AOAH: variants seen among roughly 807,000 people sequenced by gnomAD.
The protein encoded by AOAH is acyloxyacyl hydrolase.
AOAH carries 64 observed loss-of-function variants against 92.2 expected under a neutral mutation model. The observed-to-expected ratio is 0.69, with a 90% confidence interval of 0.57 to 0.86. AOAH has a LOEUF of 0.86. AOAH is among the 40% of genes least tolerant of loss of function. The pLI is 0.00. For missense variants in AOAH, 656 were observed against 694.6 expected (o/e 0.94, Z 0.62); for synonymous variants, 263 against 254.5 (o/e 1.03, Z -0.32).
At chr7:36,705,038 T>C (rs1798303133) in intron 1 of AOAH, among the ~76,000 whole-genome samples, 2 of 152,242 alleles carry the variant, frequency 1.3e-5, no homozygotes, top group African/African-American at 2.4e-5. Context: ...GCCAATATCA[T>C]ACTGAATGGG....
intron 12 of AOAH, among the ~76,000 whole-genome samples, chr7:36,592,331 G>A (rs1789802706): frequency 6.6e-6 from 1 of 152,186 alleles, no homozygotes; most frequent in Non-Finnish European, 1.5e-5. Context: ...AACAGAGGCT[G>A]TAGCAGAGGG....
At chr7:36,647,837 C>CTTTTT (rs200177551) in intron 4 of AOAH, among the ~76,000 whole-genome samples, 1 of 145,306 alleles carries the variant, frequency 6.9e-6, no homozygotes. Flanking sequence ...CCTTAGAGTT[C>CTTTTT]TTTTTTTTTT....
intron 12 of AOAH, among the ~76,000 whole-genome samples, chr7:36,579,227 A>G (rs2116661548): frequency 6.6e-6 from 1 of 151,972 alleles, no homozygotes; most frequent in Non-Finnish European, 1.5e-5. Context: ...GTCCCTTCCC[A>G]GGCACATCAT....
At chr7:36,517,597 CTTTTTTTT>C (rs70977159) in intron 20 of AOAH, among the ~76,000 whole-genome samples, 4 of 89,578 alleles carry the variant, frequency 4.5e-5, no homozygotes, top group Non-Finnish European at 6.0e-5. Context: ...GACTTTATAT[CTTTTTTTT>C]TTTTTTTTTT....
chr7:36,518,537 C>T (rs1260227106), intron 20 of AOAH, among the ~76,000 whole-genome samples: 1 of 152,236 alleles, frequency 6.6e-6, no homozygotes, highest in South Asian at 2.1e-4. Context: ...CCAGTTCACA[C>T]AACCTTGGCA....
intron 13 of AOAH, among the ~76,000 whole-genome samples, chr7:36,563,027 A>C (rs1462447880): frequency 6.6e-6 from 1 of 151,632 alleles, no homozygotes; most frequent in East Asian, 1.9e-4. Flanking sequence ...GGCGCCTGTA[A>C]TCCCAGCTAC....
chr7:36,578,989 T>C (rs1250909110), intron 12 of AOAH, among the ~76,000 whole-genome samples: 4 of 152,054 alleles, frequency 2.6e-5, no homozygotes, highest in Admixed American at 1.3e-4. Flanking sequence ...GCATGTCACA[T>C]GGAAAAAGCA....
intron 1 of AOAH, among the ~76,000 whole-genome samples, chr7:36,719,863 G>A (rs1799506361): frequency 1.3e-5 from 2 of 152,062 alleles, no homozygotes; most frequent in Non-Finnish European, 2.9e-5. Context: ...TAGAGCCTGG[G>A]CTGTTGAGGC....
chr7:36,705,144 T>C lies in AOAH; in HGVS notation c.128-18350A>G, dbSNP rs566186046. On this transcript the variant is annotated intron_variant, in intron 1 of 20. Transcript: ENST00000617537. ...ACATAGTATTGGAAGTTCTGGCCAATGCAATCAGGCAAGAGAAATAGATAC... is the reference window on the plus strand; with the variant it reads ...ACATAGTATTGGAAGTTCTGGCCAACGCAATCAGGCAAGAGAAATAGATAC... 7.9e-5 allele frequency among the ~76,000 whole-genome samples: 12 copies of C among 152,206 alleles called. No individual in the cohort carries two copies. The East Asian group carries it at 2.1e-3, about 27-fold the overall frequency.
intron 6 of AOAH, among the ~76,000 whole-genome samples, chr7:36,630,977 C>G (rs779031113): frequency 1.3e-5 from 2 of 152,122 alleles, no homozygotes; most frequent in Admixed American, 1.3e-4. Context: ...GGAAACATAT[C>G]GAAAGTTCAG....
rs764188603 is a variant in AOAH, at chr7:36,674,002, C to A, written c.231G>T (p.Leu77=). 1.9e-6 allele frequency: 3 copies of A among 1,600,976 alleles called. No individual in the cohort carries two copies. The African/African-American group carries it at 4.0e-5, about 21-fold the overall frequency. The part of the protein sequence containing the change: ...ERLCSYLPEK[L]FLKTTCYLVI... ...CTAAATAGCAGGTGGTTTTCAAGAA[C>A]AGTTTTTCTAAAAAATATAAAGAGG... is the stretch of plus-strand genomic sequence containing the variant. The change falls in exon 3 of 21, where the codon CTG becomes CTT. Residue 77 remains leucine, a synonymous_variant. Coordinates refer to ENST00000617537, the MANE Select transcript of AOAH (RefSeq NM_001637.4).
chr7:36,565,209 T>C (rs1200758447), intron 13 of AOAH, among the ~76,000 whole-genome samples: 1 of 152,204 alleles, frequency 6.6e-6, no homozygotes, highest in Non-Finnish European at 1.5e-5. Flanking sequence ...CTGTCACCTC[T>C]GTCATCTGTT....
intron 1 of AOAH, among the ~76,000 whole-genome samples, chr7:36,717,572 A>C (rs1224310622): frequency 3.3e-5 from 5 of 151,404 alleles, no homozygotes; most frequent in African/African-American, 4.8e-5. Context: ...ATAGAGATGG[A>C]GGCAGTGGCG....
intron 11 of AOAH, chr7:36,599,692 A>C (rs1009000610): frequency 5.9e-5 from 9 of 152,208 alleles, no homozygotes; most frequent in African/African-American, 2.2e-4. Flanking sequence ...GGTATTTTTA[A>C]TAACGCTGGA....
chr7:36,629,473 G>A (rs554898152), intron 6 of AOAH, among the ~76,000 whole-genome samples: 8 of 152,132 alleles, frequency 5.3e-5, no homozygotes, highest in Non-Finnish European at 1.0e-4. Flanking sequence ...GGGGGCCTGG[G>A]GAGCTGGCTG....
chr7:36,676,063 T>C (rs950267570), intron 2 of AOAH, among the ~76,000 whole-genome samples: 1 of 152,118 alleles, frequency 6.6e-6, no homozygotes, highest in African/African-American at 2.4e-5. Context: ...ATCAGGAAAA[T>C]ATAAGAATAT....
At position 36,621,735 on chromosome 7, in the gene AOAH, C is replaced by T. The variant is rs115316750; in HGVS notation, c.628G>A (p.Asp210Asn). 63 of 1,614,122 alleles carry T rather than the reference C, an allele frequency of 3.9e-5. No homozygotes were observed. In the African/African-American group the frequency reaches 7.3e-4, roughly 19 times the overall value. ...HWRGRDCNDS[D>N]ESVYPGRRPN... is the part of the protein sequence containing the mutation. The stretch of plus-strand genomic sequence containing the variant: ...CTTCTACCTGGGTACACTGACTCGT[C>T]GCTGTCATTACAGTCTCTCCCCCGC... Residue 210 changes from aspartate (D) to asparagine (N), a missense_variant, in exon 8 of 21, where the codon GAC becomes AAC. By Grantham distance (23) the Asp-to-Asn change is conservative. Coordinates refer to ENST00000617537, the MANE Select transcript of AOAH (RefSeq NM_001637.4).
At chr7:36,611,336 G>T (rs1199958765) in intron 11 of AOAH, among the ~76,000 whole-genome samples, 1 of 152,096 alleles carries the variant, frequency 6.6e-6, no homozygotes, top group African/African-American at 2.4e-5. Context: ...CCTGATTTGG[G>T]TTTCTCATCA....
intron 6 of AOAH, 110 bp downstream of exon 6, chr7:36,631,926 C>T: frequency 1.3e-6 from 1 of 783,102 alleles, no homozygotes; most frequent in Non-Finnish European, 2.1e-6. Context: ...ACACTCTCAC[C>T]TTCAGGGATG....
Sources: allele counts gnomAD v4.1 joint callset (sites outside exome capture counted in the v4.1 genomes callset), GRCh38; gene constraint gnomAD v4.1.1; transcripts MANE v1.5; gene names NCBI Gene and HGNC (gene_info 2026-07-23, HGNC 2026-07-21).